The following CD96 variants were observed in gnomAD, a reference collection of about 807,000 sequenced individuals.
The protein encoded by CD96 is T-cell surface protein tactile.
Under a neutral mutation model 71.3 loss-of-function variants are expected in CD96, and 70 were observed. The ratio of observed to expected loss-of-function variants is 0.98; its 90% confidence interval spans 0.81 to 1.20. CD96 has a LOEUF of 1.20. Among genes scored for constraint, CD96 ranks in the 50% most tolerant of loss-of-function variants. The pLI is 0.00. For missense variants in CD96, 742 were observed against 677.5 expected (o/e 1.10, Z -1.06); for synonymous variants, 248 against 233.0 (o/e 1.06, Z -0.59).
chr3:111,654,424 A>G (rs1027733157), downstream of CD96, among the ~76,000 whole-genome samples: 1 of 152,224 alleles, frequency 6.6e-6, no homozygotes, highest in Non-Finnish European at 1.5e-5. Context: ...AATTATTGTT[A>G]AAGCTTGAAT....
At chr3:111,625,708 G>A (rs1938717589) in intron 10 of CD96, among the ~76,000 whole-genome samples, 1 of 152,190 alleles carries the variant, frequency 6.6e-6, no homozygotes, top group Middle Eastern at 3.4e-3. Flanking sequence ...CTTTGGAGTA[G>A]GGAAGGGCTT....
At chr3:111,555,371 T>C (rs982176308) in intron 2 of CD96, among the ~76,000 whole-genome samples, 5 of 152,290 alleles carry the variant, frequency 3.3e-5, no homozygotes, top group African/African-American at 1.2e-4. Context: ...TGTCATTTCT[T>C]TTCAGCCTGA....
chr3:111,544,863 C>T (rs542723624), intron 1 of CD96, among the ~76,000 whole-genome samples, 183 bp from the exon 2 acceptor site: 2 of 152,258 alleles, frequency 1.3e-5, no homozygotes, highest in East Asian at 3.9e-4. Context: ...TAAATGCCTC[C>T]TCATTTATAT....
At chr3:111,639,893 G>A (rs1297293793) in intron 12 of CD96, among the ~76,000 whole-genome samples, 3 of 152,140 alleles carry the variant, frequency 2.0e-5, no homozygotes, top group Admixed American at 6.5e-5. Context: ...AATCACTGCC[G>A]TTCGGCTCAC....
intron 8 of CD96, among the ~76,000 whole-genome samples, chr3:111,621,790 C>T (rs971421242): frequency 6.6e-6 from 1 of 152,138 alleles, no homozygotes; most frequent in Non-Finnish European, 1.5e-5. Flanking sequence ...CTCCCCGCAT[C>T]GTATTAGACT....
intron 3 of CD96, among the ~76,000 whole-genome samples, chr3:111,568,294 A>T (rs1258849537): frequency 6.6e-6 from 1 of 152,208 alleles, no homozygotes; most frequent in Non-Finnish European, 1.5e-5. Flanking sequence ...AATTTTAAAA[A>T]TGATGTGTAG....
intron 2 of CD96, among the ~76,000 whole-genome samples, chr3:111,553,825 T>C (rs1934850519): frequency 6.6e-6 from 1 of 152,030 alleles, no homozygotes; most frequent in Non-Finnish European, 1.5e-5. Context: ...TTTCAATTCA[T>C]TACGGTTATT....
chr3:111,637,223 A>G lies in CD96; in HGVS notation c.1349A>G (p.Tyr450Cys). ...KSVSRIPSET[Y>C]SSSPSGAGST... is the part of the protein sequence containing the mutation. The stretch of plus-strand genomic sequence containing the variant: ...GTTTCACGGATACCTAGTGAAACAT[A>G]CAGTTCATCCCCGTCAGGTGCAGGC... The change falls in exon 11 of 14, where the codon TAC becomes TGC. Residue 450 changes from tyrosine (Y) to cysteine (C), a missense_variant. Physicochemically the swap from Tyr to Cys is radical, Grantham distance 194 (BLOSUM62 -2). Transcript: ENST00000352690. 2 of 1,592,434 alleles carry G rather than the reference A, an allele frequency of 1.3e-6. No homozygotes were observed. Among genetic ancestry groups the G allele is most frequent in the Admixed American group, 1.7e-5 (1 of 59,992 alleles).
chr3:111,542,366 C>T lies in CD96; in HGVS notation c.61+57C>T, dbSNP rs1040293110. 3 of 1,288,076 alleles carry T rather than the reference C, an allele frequency of 2.3e-6. No individual in the cohort carries two copies. The African/African-American group carries it at 4.4e-5, about 19-fold the overall frequency. 79.8% of individuals were successfully genotyped at this position (1,288,076 alleles called of 1,614,324 possible). The stretch of plus-strand genomic sequence containing the variant: ...TGGGCCGCTTTAGGGGCGGATGGGG[C>T]CTCTGTTCATTTAAAATGCCTTGTG... On this transcript the variant is annotated intron_variant, in intron 1 of 13. Transcript: ENST00000352690.
intron 8 of CD96, among the ~76,000 whole-genome samples, chr3:111,609,690 T>C (rs1937807776): frequency 6.6e-6 from 1 of 152,216 alleles, no homozygotes; most frequent in Non-Finnish European, 1.5e-5. Context: ...AAGTACCATA[T>C]TTGTTTAAAA....
At chr3:111,597,565 A>T (rs892618646) in intron 5 of CD96, among the ~76,000 whole-genome samples, 9 of 152,220 alleles carry the variant, frequency 5.9e-5, no homozygotes, top group African/African-American at 2.2e-4. Flanking sequence ...GGCATGCTCT[A>T]CCTATCCTTA....
At position 111,585,378 on chromosome 3, in the gene CD96, G is replaced by C. The variant is rs267599540; in HGVS notation, c.807G>C (p.Glu269Asp). 4.8e-5 allele frequency: 76 copies of C among 1,596,398 alleles called. No individual in the cohort carries two copies. The highest frequency in any genetic ancestry group is 6.1e-5 in the Non-Finnish European group (71 of 1,164,240). Reference protein sequence around the residue: ...VENNSTDVLVERRFTCLLKNV... With the variant: ...VENNSTDVLVDRRFTCLLKNV... ...ATAACTCCACGGATGTCTTGGTAGAGGTGAGTCACATAAAAGCCTTTGAAA... is the reference window on the plus strand; with the variant it reads ...ATAACTCCACGGATGTCTTGGTAGACGTGAGTCACATAAAAGCCTTTGAAA... The change falls in exon 5 of 14, where the codon GAG (glutamate) becomes GAC (aspartate). Residue 269 changes from glutamate to aspartate, a missense_variant and splice_region_variant. Physicochemically the swap from Glu to Asp is conservative, Grantham distance 45. Coordinates refer to ENST00000352690, the MANE Select transcript of CD96 (RefSeq NM_005816.5).
chr3:111,590,767 G>A lies in CD96; in HGVS notation c.807+5389G>A, dbSNP rs534505351. Among the ~76,000 whole-genome samples, 60 of 152,226 alleles carry A rather than the reference G, an allele frequency of 3.9e-4. 2 individuals carry two copies. The highest frequency in any genetic ancestry group is 3.4e-3 in the Middle Eastern group (1 of 294). ...AGAGCAAAAGATATCAAGCCAAAGA[G>A]CCCCTCAACTCACAGCTAATGATGT... On this transcript the variant is annotated intron_variant, in intron 5 of 13. Transcript: ENST00000352690.
At chr3:111,645,758 A>G (rs1939800079) in intron 12 of CD96, among the ~76,000 whole-genome samples, 5 of 152,120 alleles carry the variant, frequency 3.3e-5, no homozygotes, top group Admixed American at 3.3e-4. Flanking sequence ...ATTATGTATT[A>G]TTGGACTACA....
intron 14 of CD96, among the ~76,000 whole-genome samples, chr3:111,658,605 C>A (rs1204263873): frequency 6.6e-6 from 1 of 152,158 alleles, no homozygotes; most frequent in Non-Finnish European, 1.5e-5. Flanking sequence ...GAAACAGTAA[C>A]TATGCAGTGG....
chr3:111,665,905 C>G (rs1042696381), downstream of CD96, among the ~76,000 whole-genome samples: 38 of 152,190 alleles, frequency 2.5e-4, no homozygotes, highest in Admixed American at 1.8e-3. Context: ...TTCTACAGAA[C>G]CTCCTCCTAC....
At chr3:111,652,410 T>G (rs970673178), downstream of CD96, 2 of 152,010 alleles carry the variant, frequency 1.3e-5, no homozygotes, top group African/African-American at 4.8e-5. Flanking sequence ...CTATAATATA[T>G]GAATACAAGC....
At chr3:111,618,725 C>T (rs956228039) in intron 8 of CD96, among the ~76,000 whole-genome samples, 4 of 151,852 alleles carry the variant, frequency 2.6e-5, no homozygotes, top group African/African-American at 7.3e-5. Context: ...GCTGGGACTA[C>T]ATGTCCAGCT....
rs1940036147 is a variant in CD96 at position 111,650,665 on chromosome 3, T to C, written c.*859T>C. The C allele has an allele frequency of 6.6e-6, 1 of 152,308 alleles. No homozygotes were observed. The highest frequency in any genetic ancestry group is 2.4e-5 in the African/African-American group (1 of 41,470). 9.4% of individuals were successfully genotyped at this position (152,308 alleles called of 1,614,324 possible). On this transcript the variant is annotated 3_prime_UTR_variant, in exon 14 of 14. Coordinates refer to ENST00000352690, the MANE Select transcript of CD96 (RefSeq NM_005816.5). ...TCATCTGGGGATTTACCTGTTCATTTAATCTGCCTGTTTTGATCTGTTTTG... is the reference window on the plus strand; with the variant it reads ...TCATCTGGGGATTTACCTGTTCATTCAATCTGCCTGTTTTGATCTGTTTTG...
Sources: allele counts gnomAD v4.1 joint callset (sites outside exome capture counted in the v4.1 genomes callset), GRCh38; gene constraint gnomAD v4.1.1; transcripts MANE v1.5; gene names NCBI Gene and HGNC (gene_info 2026-07-23, HGNC 2026-07-21).